The following PAX8 variants were observed in gnomAD, a reference collection of about 807,000 sequenced individuals.
PAX8 encodes the protein paired box protein Pax-8.
PAX8 carries 15 observed loss-of-function variants against 52.4 expected under a neutral mutation model. That is an observed-to-expected ratio of 0.29 (90% CI 0.19 to 0.44). PAX8 has a LOEUF of 0.44. Among genes scored for constraint, PAX8 ranks in the 20% least tolerant of loss-of-function variants. The probability of loss-of-function intolerance (pLI) is 1.00; values close to 1 mark genes in which losing one functional copy is unlikely to be tolerated. For missense variants in PAX8, 554 were observed against 602.5 expected (o/e 0.92, Z 0.84); for synonymous variants, 284 against 249.7 (o/e 1.14, Z -1.29).
intron 2 of PAX8, chr2:113,265,762 T>C (rs907744497): frequency 6.6e-6 from 1 of 152,214 alleles, no homozygotes; most frequent in African/African-American, 2.4e-5. Context: ...CCTAACTCCC[T>C]GCCTGCCACA....
At chr2:113,278,056 A>C (rs1693949251) in intron 2 of PAX8, among the ~76,000 whole-genome samples, 1 of 152,166 alleles carries the variant, frequency 6.6e-6, no homozygotes, top group South Asian at 2.1e-4. Flanking sequence ...GAATGTCCAC[A>C]CTAATGCGCC....
intron 3 of PAX8, among the ~76,000 whole-genome samples, chr2:113,246,486 A>G (rs1488306593): frequency 6.6e-6 from 1 of 152,204 alleles, no homozygotes; most frequent in Non-Finnish European, 1.5e-5. Context: ...AGCTAATGAG[A>G]CATGGAGCAA....
chr2:113,274,468 T>C (rs930199901), intron 2 of PAX8: 8 of 152,236 alleles, frequency 5.3e-5, no homozygotes, highest in Non-Finnish European at 1.0e-4. Context: ...CTATCTTCAT[T>C]TCTGAAATGA....
intron 10 of PAX8, chr2:113,226,481 T>C: frequency 1.0e-6 from 1 of 989,446 alleles, no homozygotes; most frequent in Non-Finnish European, 1.2e-6. Context: ...CATTGGATGA[T>C]GACTGGCAGA....
intron 2 of PAX8, chr2:113,274,210 T>G (rs752054853): frequency 1.1e-4 from 16 of 152,174 alleles, no homozygotes; most frequent in Non-Finnish European, 1.5e-4. Flanking sequence ...CAGAGCACAA[T>G]GTGCGTTTTC....
chr2:113,272,222 A>G (rs1438126419), intron 2 of PAX8: 1 of 152,004 alleles, frequency 6.6e-6, no homozygotes, highest in East Asian at 1.9e-4. Context: ...TTCTATCGAG[A>G]CTCATTCCTG....
chr2:113,266,686 A>C (rs1573536710), intron 2 of PAX8: 6 of 152,230 alleles, frequency 3.9e-5, no homozygotes, highest in Admixed American at 3.9e-4. Flanking sequence ...GAACGCCACA[A>C]AACAGTGAGC....
intron 3 of PAX8, 45 bp from the exon 4 acceptor site, chr2:113,244,669 G>C: frequency 6.3e-7 from 1 of 1,576,304 alleles, no homozygotes; most frequent in Non-Finnish European, 8.7e-7. Context: ...TAAGCAGGTG[G>C]GGTCTTTAGA....
At chr2:113,265,403 T>A (rs1439320320) in intron 2 of PAX8, 2 of 152,228 alleles carry the variant, frequency 1.3e-5, no homozygotes, top group Non-Finnish European at 2.9e-5. Context: ...ACACCATAGC[T>A]TAGCTTCTCT....
At chr2:113,275,206 A>G (rs1329626213) in intron 2 of PAX8, 1 of 152,232 alleles carries the variant, frequency 6.6e-6, no homozygotes, top group Non-Finnish European at 1.5e-5. Flanking sequence ...CTTATCAATC[A>G]GTGGGGCAAT....
At chr2:113,270,095 A>AGGT (rs1163784954) in intron 2 of PAX8, 5 of 152,210 alleles carry the variant, frequency 3.3e-5, no homozygotes, top group African/African-American at 2.4e-5. Context: ...CAGTACTCCT[A>AGGT]GGTGGTAGAT....
intron 10 of PAX8, chr2:113,226,723 G>C (rs147945490): frequency 1.8e-6 from 2 of 1,128,004 alleles, no homozygotes; most frequent in African/African-American, 1.6e-5. Context: ...TTTACAGAAC[G>C]GGTAAACTGG....
At chr2:113,232,015 A>T (rs778664558) in intron 9 of PAX8, among the ~76,000 whole-genome samples, 1 of 152,138 alleles carries the variant, frequency 6.6e-6, no homozygotes, top group Non-Finnish European at 1.5e-5. Context: ...GGTGTGAGCC[A>T]TTGGGCCCAG....
intron 2 of PAX8, among the ~76,000 whole-genome samples, chr2:113,277,938 AG>A (rs1387895310): frequency 6.6e-6 from 1 of 151,560 alleles, no homozygotes; most frequent in African/African-American, 2.4e-5. Flanking sequence ...CAGTCCAGCC[AG>A]GGGAGTCACT....
At chr2:113,257,862 A>G (rs983574707) in intron 2 of PAX8, among the ~76,000 whole-genome samples, 2 of 152,164 alleles carry the variant, frequency 1.3e-5, no homozygotes, top group African/African-American at 4.8e-5. Context: ...TAATTCTTAT[A>G]ATAACCCTTT....
At chr2:113,237,285 C>A (rs1690441229) in intron 7 of PAX8, 1 of 152,392 alleles carries the variant, frequency 6.6e-6, no homozygotes, top group Admixed American at 6.5e-5. Context: ...TATATCAGAG[C>A]TTTGCCTCTG....
chr2:113,235,597 G>A lies in PAX8; in HGVS notation c.899-15C>T, dbSNP rs367619580. 7 of 1,598,698 alleles carry A rather than the reference G, an allele frequency of 4.4e-6. No individual in the cohort carries two copies. Among genetic ancestry groups the A allele is most frequent in the South Asian group, 1.1e-5 (1 of 89,284 alleles). ...TGAGTGAGGATCTGCCGGAGGGAGG[G>A]AGACAACAAGGAGAGAGGGGTGTGA... is the stretch of plus-strand genomic sequence containing the variant. On this transcript the variant is annotated splice_polypyrimidine_tract_variant and intron_variant, in intron 8 of 11. Transcript: ENST00000429538.
intron 10 of PAX8, among the ~76,000 whole-genome samples, chr2:113,221,513 C>T (rs1004956526): frequency 6.6e-6 from 1 of 152,110 alleles, no homozygotes; most frequent in African/African-American, 2.4e-5. Context: ...ACCTTGGTTT[C>T]CTTATCTGTA....
At chr2:113,247,698 C>G (rs532169080) in intron 2 of PAX8, among the ~76,000 whole-genome samples, 90 of 152,314 alleles carry the variant, frequency 5.9e-4, no homozygotes, top group African/African-American at 2.1e-3. Context: ...CTCTCTGGCC[C>G]CAGCCTGTGT....
Sources: gnomAD v4.1 joint callset for allele counts (sites outside exome capture counted in the v4.1 genomes callset) on GRCh38, gnomAD v4.1.1 for gene constraint, MANE v1.5 for transcripts, NCBI Gene and HGNC (gene_info 2026-07-23, HGNC 2026-07-21) for gene names.